AGBL1: variants seen among roughly 807,000 people sequenced by gnomAD.
The protein encoded by AGBL1 is AGBL carboxypeptidase 1, also known as cytosolic carboxypeptidase 4.
AGBL1 carries 130 observed loss-of-function variants against 118.9 expected under a neutral mutation model. That is an observed-to-expected ratio of 1.09 (90% CI 0.95 to 1.26). AGBL1 has a LOEUF of 1.26. Ranked by LOEUF, AGBL1 falls within the 50% of genes most tolerant of loss-of-function variation. The pLI, the probability that AGBL1 is intolerant of heterozygous loss-of-function variation, is 0.00. For synonymous variants in AGBL1, 555 were observed against 478.9 expected (o/e 1.16, Z -2.08); for missense variants, 1,584 against 1,298.1 (o/e 1.22, Z -3.38).
chr15:86,704,966 G>C (rs976174534), intron 22 of AGBL1, among the ~76,000 whole-genome samples: 2 of 152,180 alleles, frequency 1.3e-5, no homozygotes. Flanking sequence ...AAAGGAATGA[G>C]TTCATGTCCT....
chr15:86,739,367 C>T (rs2077644449), intron 22 of AGBL1, among the ~76,000 whole-genome samples: 1 of 141,618 alleles, frequency 7.1e-6, no homozygotes, highest in Admixed American at 7.9e-5. Context: ...CGCTTGAACC[C>T]AGGAGGTGGA....
At chr15:86,526,580 A>G (rs2083268443) in intron 19 of AGBL1, among the ~76,000 whole-genome samples, 1 of 145,460 alleles carries the variant, frequency 6.9e-6, no homozygotes, top group African/African-American at 2.5e-5. Flanking sequence ...ATATACACAC[A>G]GAGTATATAT....
intron 21 of AGBL1, among the ~76,000 whole-genome samples, chr15:86,667,808 G>A (rs927725435): frequency 6.6e-6 from 1 of 152,008 alleles, no homozygotes; most frequent in East Asian, 1.9e-4. Context: ...CTATTTATAT[G>A]TTTAGCTCAT....
At chr15:86,375,557 A>G (rs1320935676) in intron 17 of AGBL1, among the ~76,000 whole-genome samples, 1 of 152,140 alleles carries the variant, frequency 6.6e-6, no homozygotes, top group Non-Finnish European at 1.5e-5. Context: ...TTGTAGCATC[A>G]TATTAAACTC....
At chr15:87,021,412 A>G (rs2081663060) in intron 24 of AGBL1, among the ~76,000 whole-genome samples, 1 of 152,194 alleles carries the variant, frequency 6.6e-6, no homozygotes, top group Non-Finnish European at 1.5e-5. Flanking sequence ...AATCCAGGCA[A>G]TACCATTTAG....
In AGBL1 at chr15:86,211,482, G is replaced by A. The variant is rs1003608969; in HGVS notation, c.489-13432G>A. 1.4e-4 allele frequency among the ~76,000 whole-genome samples: 22 copies of A among 152,320 alleles called. No individual in the cohort carries two copies. In the Middle Eastern group the frequency reaches 0.014, roughly 95 times the overall value. ...GAGGCAGCAGGCCTTGCAGCGCTGC[G>A]GTGAGCTCCACCCAGTTCAAGCTTC... On this transcript the variant is annotated intron_variant, in intron 5 of 22. Coordinates refer to ENST00000614907, the MANE Select transcript of AGBL1 (RefSeq NM_001386094.1).
intron 19 of AGBL1, among the ~76,000 whole-genome samples, chr15:86,536,995 G>A (rs555562692): frequency 4.6e-5 from 7 of 152,324 alleles, no homozygotes; most frequent in East Asian, 1.9e-4. Context: ...GGCATTGGGC[G>A]TAGGGCTTAA....
intron 6 of AGBL1, among the ~76,000 whole-genome samples, chr15:86,241,866 GTTC>G (rs1230510668): frequency 2.0e-5 from 3 of 152,152 alleles, no homozygotes; most frequent in Non-Finnish European, 2.9e-5. Flanking sequence ...TGAAGCTTCT[GTTC>G]TTCTTGTTGT....
chr15:87,002,259 G>C (rs1275070250), intron 24 of AGBL1, among the ~76,000 whole-genome samples: 4 of 152,048 alleles, frequency 2.6e-5, no homozygotes, highest in South Asian at 2.1e-4. Flanking sequence ...TCTTGTTTTT[G>C]TCAGGTTTGT....
intron 22 of AGBL1, among the ~76,000 whole-genome samples, chr15:86,863,857 C>T (rs950860967): frequency 6.6e-6 from 1 of 152,164 alleles, no homozygotes; most frequent in African/African-American, 2.4e-5. Flanking sequence ...ATTAATTGTC[C>T]TTAGTCTTAA....
intron 22 of AGBL1, among the ~76,000 whole-genome samples, chr15:86,876,373 G>A (rs2079808081): frequency 6.6e-6 from 1 of 152,056 alleles, no homozygotes; most frequent in African/African-American, 2.4e-5. Context: ...CTGCACCGAT[G>A]GAGGGCATTC....
At chr15:86,991,363 C>CAT (rs34983486) in intron 24 of AGBL1, among the ~76,000 whole-genome samples, 129,434 of 151,938 alleles carry the variant, frequency 0.85, 55,825 homozygotes, top group South Asian at 0.98. Flanking sequence ...ACTGCTTACA[C>CAT]GTTTGCCCAT....
At chr15:87,008,855 C>T (rs551590408) in intron 24 of AGBL1, among the ~76,000 whole-genome samples, 1 of 152,248 alleles carries the variant, frequency 6.6e-6, no homozygotes, top group African/African-American at 2.4e-5. Context: ...CACTGAACTT[C>T]AGAGAGATGA....
intron 18 of AGBL1, among the ~76,000 whole-genome samples, chr15:86,467,275 G>A (rs1458627507): frequency 2.0e-5 from 3 of 152,180 alleles, no homozygotes; most frequent in Admixed American, 6.5e-5. Context: ...TACACTGTGA[G>A]GGGAAAACTG....
At position 86,914,651 on chromosome 15, in the gene AGBL1, G is replaced by T. The variant is rs2080396784; in HGVS notation, c.*7357G>T. 1 of 152,150 alleles carries T rather than the reference G, an allele frequency of 6.6e-6. No individual in the cohort carries two copies. The highest frequency in any genetic ancestry group is 1.5e-5 in the Non-Finnish European group (1 of 68,040). 9.4% of individuals were successfully genotyped at this position (152,150 alleles called of 1,614,324 possible). ...CCAACGAGCTAAACTCTGTTGTTAT[G>T]CTCACTTTATAAATGAGGGCATTAA... On this transcript the variant is annotated 3_prime_UTR_variant, in exon 23 of 23. Coordinates refer to ENST00000614907, the MANE Select transcript of AGBL1 (RefSeq NM_001386094.1).
chr15:86,635,669 AT>A (rs1285429439), intron 21 of AGBL1, among the ~76,000 whole-genome samples: 1 of 152,066 alleles, frequency 6.6e-6, no homozygotes, highest in East Asian at 1.9e-4. Context: ...ATCTAATAAC[AT>A]TCGGGAGTTC....
intron 24 of AGBL1, among the ~76,000 whole-genome samples, chr15:86,989,832 T>G (rs182151920): frequency 6.6e-6 from 1 of 152,206 alleles, no homozygotes; most frequent in Non-Finnish European, 1.5e-5. Flanking sequence ...ATGAGCTATA[T>G]GGACACATGC....
At chr15:86,474,535 C>A (rs1393792114) in intron 18 of AGBL1, among the ~76,000 whole-genome samples, 1 of 152,224 alleles carries the variant, frequency 6.6e-6, no homozygotes, top group African/African-American at 2.4e-5. Context: ...TGGAGGGGCA[C>A]CCACCATTGC....
At chr15:86,878,334 A>G (rs1055744445) in intron 22 of AGBL1, among the ~76,000 whole-genome samples, 1 of 152,206 alleles carries the variant, frequency 6.6e-6, no homozygotes, top group African/African-American at 2.4e-5. Context: ...GCCACAGACA[A>G]TACAATGGGC....
Sources: gnomAD v4.1 joint callset for allele counts (sites outside exome capture counted in the v4.1 genomes callset) on GRCh38, gnomAD v4.1.1 for gene constraint, MANE v1.5 for transcripts, NCBI Gene and HGNC (gene_info 2026-07-23, HGNC 2026-07-21) for gene names.